CAMK2A: variants seen among roughly 807,000 people sequenced by gnomAD.
The protein encoded by CAMK2A is calcium/calmodulin-dependent protein kinase type II subunit alpha.
In CAMK2A, 7 loss-of-function variants were observed where a neutral mutation model predicts 79.2. That is an observed-to-expected ratio of 0.09 (90% CI 0.05 to 0.17). The LOEUF is 0.17. Ranked by LOEUF, CAMK2A falls within the 10% of genes least tolerant of loss-of-function variation. The probability of loss-of-function intolerance (pLI) is 1.00; values close to 1 mark genes in which losing one functional copy is unlikely to be tolerated. For synonymous variants in CAMK2A, 242 were observed against 251.7 expected, an observed-to-expected ratio of 0.96 and a Z score of 0.36; for missense variants, 214 against 646.4, an observed-to-expected ratio of 0.33 and a Z score of 7.25.
At chr5:150,247,255 G>C (rs549933269) in intron 12 of CAMK2A, among the ~76,000 whole-genome samples, 79 of 152,326 alleles carry the variant, frequency 5.2e-4, no homozygotes, top group African/African-American at 1.8e-3. Flanking sequence ...TGCCTCTCTA[G>C]CCATGTGACC....
At chr5:150,244,627 G>A (rs1420074355) in intron 13 of CAMK2A, among the ~76,000 whole-genome samples, 1 of 152,172 alleles carries the variant, frequency 6.6e-6, no homozygotes, top group Non-Finnish European at 1.5e-5. Flanking sequence ...AGCCGGGAGG[G>A]GATTTTGGAA....
At chr5:150,240,729 C>G (rs929512914) in intron 13 of CAMK2A, among the ~76,000 whole-genome samples, 2 of 152,230 alleles carry the variant, frequency 1.3e-5, no homozygotes, top group African/African-American at 4.8e-5. Flanking sequence ...GGCCTCGCGG[C>G]AAGCCACTAG....
intron 13 of CAMK2A, 43 bp downstream of exon 13, chr5:150,245,118 C>T (rs372391822): frequency 5.7e-5 from 91 of 1,599,128 alleles, no homozygotes; most frequent in Non-Finnish European, 7.3e-5. Flanking sequence ...TTGGCAGAAA[C>T]GCTGCCAGAG....
chr5:150,247,890 G>A (rs2150276464), intron 11 of CAMK2A, 76 bp from the exon 12 acceptor site: 2 of 1,240,836 alleles, frequency 1.6e-6, no homozygotes, highest in East Asian at 2.4e-5. Context: ...GAGACGGGAG[G>A]GCCACGGGGA....
Position 150,223,484 on chromosome 5 carries a change from G to C in CAMK2A, c.1238-267C>G, listed in dbSNP as rs1754449992. On this transcript the variant is annotated intron_variant, in intron 17 of 18. Coordinates refer to ENST00000671881, the MANE Select transcript of CAMK2A (RefSeq NM_015981.4). The surrounding 1 kb of genome is among the most constrained non-coding windows in gnomAD (Gnocchi z 4.1). Reference sequence around the variant, plus strand: ...TGAGAAAATGGAATGTTTGAATCATGACCGTTAGCCACATGGAATAAGCCT... The same window carrying C: ...TGAGAAAATGGAATGTTTGAATCATCACCGTTAGCCACATGGAATAAGCCT... Among the ~76,000 whole-genome samples the C allele has an allele frequency of 6.6e-6, 1 of 152,192 alleles. No homozygotes were observed. Among genetic ancestry groups the C allele is most frequent in the Non-Finnish European group, 1.5e-5 (1 of 68,044 alleles).
chr5:150,277,075 A>G (rs1159295975), intron 1 of CAMK2A, among the ~76,000 whole-genome samples: 1 of 152,174 alleles, frequency 6.6e-6, no homozygotes. Flanking sequence ...ACTGCTGAGC[A>G]TGGTGGTACA....
chr5:150,237,824 C>T (rs1234048651), intron 15 of CAMK2A, among the ~76,000 whole-genome samples: 1 of 152,164 alleles, frequency 6.6e-6, no homozygotes, highest in East Asian at 1.9e-4. Context: ...GCCCTTATTA[C>T]TATTTTTGTT....
chr5:150,275,134 C>A (rs1756896584), intron 1 of CAMK2A, among the ~76,000 whole-genome samples: 1 of 152,208 alleles, frequency 6.6e-6, no homozygotes, highest in African/African-American at 2.4e-5. Context: ...GAAATATAAC[C>A]TTGTAGGAAA....
At chr5:150,244,893 T>C (rs1204300435) in intron 13 of CAMK2A, among the ~76,000 whole-genome samples, 2 of 152,104 alleles carry the variant, frequency 1.3e-5, no homozygotes, top group Non-Finnish European at 2.9e-5. Context: ...CCTGCCCCTT[T>C]CCTTGCGCCT....
chr5:150,276,616 G>A (rs2150304834), intron 1 of CAMK2A, among the ~76,000 whole-genome samples: 2 of 152,258 alleles, frequency 1.3e-5, no homozygotes, highest in Admixed American at 1.3e-4. Context: ...CTATGAGAAA[G>A]AAGCTTAAAG....
chr5:150,271,359 G>A (rs1756740433), intron 2 of CAMK2A, among the ~76,000 whole-genome samples: 1 of 152,184 alleles, frequency 6.6e-6, no homozygotes, highest in African/African-American at 2.4e-5. Context: ...ACTGGCGGGA[G>A]GTCGGTAACT....
chr5:150,265,073 T>C, intron 2 of CAMK2A, 58 bp from the exon 3 acceptor site: 1 of 1,288,922 alleles, frequency 7.8e-7, no homozygotes, highest in South Asian at 1.2e-5. Context: ...ACCCTCCATC[T>C]CCCCCTTCTC....
chr5:150,239,307 G>A (rs979318906), intron 14 of CAMK2A, among the ~76,000 whole-genome samples: 1 of 152,176 alleles, frequency 6.6e-6, no homozygotes, highest in African/African-American at 2.4e-5. Flanking sequence ...CTCAAGAGGG[G>A]CCTCTGTGGC....
intron 15 of CAMK2A, among the ~76,000 whole-genome samples, chr5:150,234,287 G>A (rs1477995467): frequency 6.6e-6 from 1 of 152,154 alleles, no homozygotes; most frequent in Non-Finnish European, 1.5e-5. Context: ...CCTGAGGTCT[G>A]CTTCTCCCTG....
intron 15 of CAMK2A, among the ~76,000 whole-genome samples, chr5:150,237,783 C>T (rs1464208697): frequency 6.6e-6 from 1 of 152,226 alleles, no homozygotes; most frequent in Non-Finnish European, 1.5e-5. Context: ...GAGACCGGGG[C>T]TAGCACACAG....
intron 15 of CAMK2A, among the ~76,000 whole-genome samples, chr5:150,231,842 T>C (rs1180476846): frequency 6.6e-6 from 1 of 152,206 alleles, no homozygotes; most frequent in African/African-American, 2.4e-5. Flanking sequence ...AGGGGCTTTC[T>C]TATGGCCAAA....
At chr5:150,289,486 G>A (rs1252094278) in intron 1 of CAMK2A, 78 bp downstream of exon 1, 2 of 1,104,800 alleles carry the variant, frequency 1.8e-6, no homozygotes, top group Admixed American at 1.7e-5. Context: ...CCCAAGCACT[G>A]CAGGCACACA....
intron 1 of CAMK2A, among the ~76,000 whole-genome samples, chr5:150,276,234 C>G (rs1450942443): frequency 6.6e-6 from 1 of 152,222 alleles, no homozygotes; most frequent in African/African-American, 2.4e-5. Flanking sequence ...AACCCTACAT[C>G]CCCATCTAAC....
chr5:150,274,568 C>A (rs969357966), intron 1 of CAMK2A, among the ~76,000 whole-genome samples: 4 of 152,220 alleles, frequency 2.6e-5, no homozygotes. Context: ...CCGTAGTCAC[C>A]ACTATGGCAC....
Sources: allele counts gnomAD v4.1 joint callset (sites outside exome capture counted in the v4.1 genomes callset), GRCh38; gene constraint gnomAD v4.1.1; non-coding constraint Gnocchi (gnomAD v3.1); transcripts MANE v1.5; gene names NCBI Gene and HGNC (gene_info 2026-07-23, HGNC 2026-07-21).